The following IQGAP2 variants were observed in gnomAD, a reference collection of about 807,000 sequenced individuals.
IQGAP2 encodes the protein ras GTPase-activating-like protein IQGAP2.
A neutral mutation model predicts 201.3 loss-of-function variants in IQGAP2; 173 were observed. That is an observed-to-expected ratio of 0.86 (90% confidence interval 0.76 to 0.98). The LOEUF is 0.98. Ranked by LOEUF, IQGAP2 falls within the 50% of genes least tolerant of loss-of-function variation. The pLI, the probability that IQGAP2 is intolerant of heterozygous loss-of-function variation, is 0.00. For missense variants in IQGAP2, 1,687 were observed against 1,864.8 expected, an observed-to-expected ratio of 0.90 and a Z score of 1.76; for synonymous variants, 675 against 673.9, an observed-to-expected ratio of 1.00 and a Z score of -0.03.
chr5:76,460,602 G>A lies in IQGAP2; in HGVS notation c.47-968G>A, dbSNP rs148700752. 1.3e-4 allele frequency among the ~76,000 whole-genome samples: 20 copies of A among 152,332 alleles called. No individual in the cohort carries two copies. In the South Asian group the frequency reaches 1.5e-3, roughly 11 times the overall value. On this transcript the variant is annotated intron_variant, in intron 1 of 35. Coordinates refer to ENST00000274364, the MANE Select transcript of IQGAP2 (RefSeq NM_006633.5). ...CCTGGACTCTCGCAATGGAGGTGCA[G>A]AGGAAGATTGAGAGCTTCTGTACTT... is the stretch of plus-strand genomic sequence containing the variant.
chr5:76,487,541 T>A (rs1756239387), intron 2 of IQGAP2, among the ~76,000 whole-genome samples: 1 of 152,238 alleles, frequency 6.6e-6, no homozygotes, highest in Non-Finnish European at 1.5e-5. Context: ...AATTCAAGTT[T>A]GTAGATGTTG....
At chr5:76,434,101 C>T (rs888868548) in intron 1 of IQGAP2, among the ~76,000 whole-genome samples, 9 of 152,232 alleles carry the variant, frequency 5.9e-5, no homozygotes, top group Middle Eastern at 3.4e-3. Context: ...AATTTGCCAC[C>T]GTATTCTCTA....
intron 1 of IQGAP2, among the ~76,000 whole-genome samples, chr5:76,406,883 A>C (rs79568940): frequency 0.014 from 2,125 of 152,356 alleles, 27 homozygotes; most frequent in South Asian, 0.034. Flanking sequence ...ATTGGGGATC[A>C]ATGTTTCACT....
chr5:76,569,945 A>G (rs970377156), intron 3 of IQGAP2, among the ~76,000 whole-genome samples: 1 of 152,172 alleles, frequency 6.6e-6, no homozygotes, highest in African/African-American at 2.4e-5. Flanking sequence ...CACAAAAGCT[A>G]TTTTTATTGT....
chr5:76,697,396 C>T (rs1746853171), intron 32 of IQGAP2, among the ~76,000 whole-genome samples: 1 of 152,228 alleles, frequency 6.6e-6, no homozygotes, highest in South Asian at 2.1e-4. Flanking sequence ...ATAATCCCAG[C>T]ACTTCGGGAG....
intron 1 of IQGAP2, among the ~76,000 whole-genome samples, chr5:76,452,614 A>G (rs747643390): frequency 6.6e-6 from 1 of 152,208 alleles, no homozygotes; most frequent in African/African-American, 2.4e-5. Context: ...AAACAAATTC[A>G]CACAAATCTA....
intron 4 of IQGAP2, 89 bp downstream of exon 4, chr5:76,570,746 G>C: frequency 3.4e-6 from 3 of 873,294 alleles, no homozygotes; most frequent in Non-Finnish European, 5.7e-6. Flanking sequence ...TGGAGACTGG[G>C]TTATGTTAAT....
chr5:76,415,937 TG>T (rs1751380808), intron 1 of IQGAP2, among the ~76,000 whole-genome samples: 4 of 102,930 alleles, frequency 3.9e-5, no homozygotes, highest in Admixed American at 2.1e-4. Context: ...AGAGGGTAAC[TG>T]TCTCAAAAAA....
chr5:76,648,203 T>C (rs1361820820), intron 17 of IQGAP2, among the ~76,000 whole-genome samples: 1 of 152,184 alleles, frequency 6.6e-6, no homozygotes, highest in African/African-American at 2.4e-5. Flanking sequence ...CGAGGAGGCC[T>C]TCCCCACCTT....
At chr5:76,446,182 G>A (rs1020705675) in intron 1 of IQGAP2, among the ~76,000 whole-genome samples, 95 of 152,198 alleles carry the variant, frequency 6.2e-4, no homozygotes, top group African/African-American at 1.6e-3. Flanking sequence ...CCCAGCTTTC[G>A]CTTATTTTGG....
chr5:76,601,406 A>C (rs192545654), intron 11 of IQGAP2, among the ~76,000 whole-genome samples: 1,590 of 152,202 alleles, frequency 0.01, 18 homozygotes, highest in South Asian at 0.038. Flanking sequence ...CCCAAACTCC[A>C]CTCTTCTGAT....
At chr5:76,479,108 C>G (rs1037681666) in intron 2 of IQGAP2, among the ~76,000 whole-genome samples, 1 of 152,108 alleles carries the variant, frequency 6.6e-6, no homozygotes, top group African/African-American at 2.4e-5. Flanking sequence ...CATGGTTGAT[C>G]GTTCTCTCCT....
At chr5:76,547,870 A>G (rs564196959) in intron 2 of IQGAP2, among the ~76,000 whole-genome samples, 4 of 152,142 alleles carry the variant, frequency 2.6e-5, no homozygotes, top group South Asian at 2.1e-4. Context: ...TGGTCAGCTT[A>G]TTTTCCTGCA....
At chr5:76,556,893 G>A (rs933802336) in intron 2 of IQGAP2, among the ~76,000 whole-genome samples, 2 of 152,132 alleles carry the variant, frequency 1.3e-5, no homozygotes, top group African/African-American at 4.8e-5. Flanking sequence ...CCTATATCTT[G>A]CCTCTGCCCT....
intron 13 of IQGAP2, among the ~76,000 whole-genome samples, chr5:76,623,963 G>A (rs1459072621): frequency 2.3e-5 from 1 of 44,084 alleles, no homozygotes; most frequent in Non-Finnish European, 4.5e-5. Flanking sequence ...GCCTTATCTT[G>A]ATGTGTTTTG....
chr5:76,575,640 A>T, intron 4 of IQGAP2, 53 bp from the exon 5 acceptor site: 4 of 1,159,444 alleles, frequency 3.4e-6, no homozygotes, highest in Non-Finnish European at 5.0e-6. Flanking sequence ...GGGAAGTTAA[A>T]ATACTTGTGA....
chr5:76,707,621 G>A lies in IQGAP2; in HGVS notation c.*308G>A, dbSNP rs1346965772. The A allele has an allele frequency of 4.4e-6, 1 of 227,544 alleles. No homozygotes were observed. The highest frequency in any genetic ancestry group is 8.5e-6 in the Non-Finnish European group (1 of 118,144). 14.1% of individuals were successfully genotyped at this position (227,544 alleles called of 1,614,324 possible). ...GGGGGGTGGGAAATTTAGCTGACTA[G>A]GGACAAACATGTAAACCTATTTTCC... On this transcript the variant is annotated 3_prime_UTR_variant, in exon 36 of 36. Transcript: ENST00000274364.
chr5:76,496,169 T>C (rs1383957629), intron 2 of IQGAP2, among the ~76,000 whole-genome samples: 1 of 152,232 alleles, frequency 6.6e-6, no homozygotes, highest in Non-Finnish European at 1.5e-5. Context: ...ATATATTTGC[T>C]TTCTGTTACC....
At position 76,417,829 on chromosome 5, in the gene IQGAP2, C is replaced by T. The variant is rs529963420; in HGVS notation, c.46+14238C>T. On this transcript the variant is annotated intron_variant, in intron 1 of 35. Coordinates refer to ENST00000274364, the MANE Select transcript of IQGAP2 (RefSeq NM_006633.5). ...ACTCCTGAGCTCAAGTGATCCGCCT[C>T]CCTCAGCCTCCTAAAGTGCTGGGAT... 2.4e-3 allele frequency among the ~76,000 whole-genome samples: 366 copies of T among 151,634 alleles called. 1 individual carries two copies. Among genetic ancestry groups the T allele is most frequent in the African/African-American group, 8.6e-3 (354 of 41,384 alleles).
Sources: gnomAD v4.1 joint callset for allele counts (sites outside exome capture counted in the v4.1 genomes callset) on GRCh38, gnomAD v4.1.1 for gene constraint, MANE v1.5 for transcripts, NCBI Gene and HGNC (gene_info 2026-07-23, HGNC 2026-07-21) for gene names.